ZNF789: variants seen among roughly 807,000 people sequenced by gnomAD.
The protein encoded by ZNF789 is zinc finger protein 789.
Under a neutral mutation model 15.6 loss-of-function variants are expected in ZNF789, and 11 were observed. The observed-to-expected ratio is 0.70, with a 90% CI of 0.44 to 1.16. The LOEUF is 1.16. ZNF789 is among the 50% of genes most tolerant of loss of function. The pLI is 0.00. For missense variants in ZNF789, 461 were observed against 512.6 expected (o/e 0.90, Z 0.97); for synonymous variants, 159 against 176.0 (o/e 0.90, Z 0.76).
At position 99,484,066 on chromosome 7, in the gene ZNF789, T is replaced by C; in HGVS notation, c.188T>C (p.Leu63Pro). ...QFPKPEMICQLENWDEQWILD... is the reference protein window; with the variant it reads ...QFPKPEMICQPENWDEQWILD... ...CCCAAACCTGAGATGATCTGTCAGCTGGAGAACTGGGACGAGCAGTGGATC... is the reference window on the plus strand; with the variant it reads ...CCCAAACCTGAGATGATCTGTCAGCCGGAGAACTGGGACGAGCAGTGGATC... Residue 63 changes from leucine (L) to proline (P), a missense_variant, in exon 4 of 5, where the codon CTG becomes CCG. Leu to Pro is a moderately conservative substitution (Grantham distance 98). Transcript: ENST00000331410. The C allele has an allele frequency of 6.2e-7, 1 of 1,614,108 alleles. No homozygotes were observed. Among genetic ancestry groups the C allele is most frequent in the Middle Eastern group, 1.6e-4 (1 of 6,062 alleles).
intron 3 of ZNF789, among the ~76,000 whole-genome samples, chr7:99,482,528 C>T (rs1799696137): frequency 6.6e-6 from 1 of 152,240 alleles, no homozygotes; most frequent in South Asian, 2.1e-4. Flanking sequence ...CACACACACA[C>T]ATAACATACA....
intron 2 of ZNF789, 48 bp from the exon 3 acceptor site, chr7:99,479,613 G>C (rs73148819): frequency 0.07 from 108,550 of 1,546,172 alleles, 4,278 homozygotes; most frequent in Non-Finnish European, 0.079. Flanking sequence ...ATCATTGAGC[G>C]TAAGTTATTT....
chr7:99,473,872 G>T (rs1029137836), intron 1 of ZNF789, among the ~76,000 whole-genome samples: 1 of 152,042 alleles, frequency 6.6e-6, no homozygotes, highest in African/African-American at 2.4e-5. Flanking sequence ...GCCCGCCTCG[G>T]CCTCCCAAAG....
In ZNF789 at chr7:99,476,470, C is replaced by T. The variant is rs1180566611; in HGVS notation, c.14C>T (p.Ala5Val). 9.3e-6 allele frequency: 15 copies of T among 1,611,950 alleles called. No individual in the cohort carries two copies. The highest frequency in any genetic ancestry group is 1.3e-5 in the Non-Finnish European group (15 of 1,179,302). The change falls in exon 2 of 5, where the codon GCC becomes GTC. Residue 5 changes from alanine to valine, a missense_variant. Ala to Val is a moderately conservative substitution (Grantham distance 64). Coordinates refer to ENST00000331410, the MANE Select transcript of ZNF789 (RefSeq NM_213603.3). ...GCCGTGGAAGCCATGTTCCCACCAG[C>T]CAGGGGGAAGGTGAGCTGTGCCTCC... MFPPARGKELLSFED... is the reference protein window; with the variant it reads MFPPVRGKELLSFED...
At chr7:99,483,892 A>T in intron 3 of ZNF789, 138 bp from the exon 4 acceptor site, 1 of 802,910 alleles carries the variant, frequency 1.2e-6, no homozygotes, top group South Asian at 1.3e-5. Context: ...AGACTGCCAG[A>T]TATTTACAAA....
chr7:99,479,729 T>G lies in ZNF789; in HGVS notation c.93T>G (p.Gly31=). The G allele has an allele frequency of 6.2e-7, 1 of 1,613,950 alleles. No homozygotes were observed. The stretch of plus-strand genomic sequence containing the variant: ...AGGAGTGGGGCCACCTCAACTGGGG[T>G]CAGAAGGACCTCTACCGAGATGTGA... ...TREEWGHLNW[G]QKDLYRDVML... Residue 31 remains glycine, a synonymous_variant, in exon 3 of 5, where the codon GGT becomes GGG. Coordinates refer to ENST00000331410, the MANE Select transcript of ZNF789 (RefSeq NM_213603.3).
rs371552407 is a variant in ZNF789, at chr7:99,487,458, G to C, written c.1248G>C (p.Gln416His). The C allele has an allele frequency of 1.9e-6, 3 of 1,613,834 alleles. No individual in the cohort carries two copies. Among genetic ancestry groups the C allele is most frequent in the Non-Finnish European group, 2.5e-6 (3 of 1,179,896 alleles). ...FKWHTSFIKH[Q>H]GTHKGQIST ...GGCACACAAGCTTTATTAAGCACCAGGGCACTCACAAAGGACAGATATCCA... is the reference window on the plus strand; with the variant it reads ...GGCACACAAGCTTTATTAAGCACCACGGCACTCACAAAGGACAGATATCCA... The change falls in exon 5 of 5, where the codon CAG becomes CAC. Residue 416 changes from glutamine to histidine, a missense_variant. Transcript: ENST00000331410.
At position 99,481,463 on chromosome 7, in the gene ZNF789, C is replaced by CT. The variant is rs899232215; in HGVS notation, c.151+1687dup. 226 of 147,108 alleles carry CT rather than the reference C, an allele frequency of 1.5e-3. 1 individual carries two copies. The highest frequency in any genetic ancestry group is 2.3e-3 in the Non-Finnish European group (154 of 66,328). 9.1% of individuals were successfully genotyped at this position (147,108 alleles called of 1,614,324 possible). On this transcript the variant is annotated intron_variant, in intron 3 of 4. Transcript: ENST00000331410. ...CCAATAGTAACATTTTAGAGTGCTT[C>CT]TTTTTTTTTTTGAGACAGAGTTTCG... is the stretch of plus-strand genomic sequence containing the variant.
At chr7:99,478,725 C>T (rs192059715) in intron 2 of ZNF789, 150 of 281,530 alleles carry the variant, frequency 5.3e-4, no homozygotes, top group Admixed American at 2.2e-3. Flanking sequence ...CCCCTGTGCT[C>T]ACTGTGCTGT....
chr7:99,478,349 G>A (rs774316948), intron 2 of ZNF789: 35 of 1,289,576 alleles, frequency 2.7e-5, no homozygotes, highest in Non-Finnish European at 3.4e-5. Flanking sequence ...GTGACACTCT[G>A]GATAATGGTG....
Position 99,487,088 on chromosome 7 carries a change from CGT to C in ZNF789, c.879_880del (p.Phe294Ter). 6.2e-7 allele frequency: 1 copy of C among 1,614,090 alleles called. No homozygotes were observed. Among genetic ancestry groups the C allele is most frequent in the Non-Finnish European group, 8.5e-7 (1 of 1,180,030 alleles). On this transcript the variant is annotated frameshift_variant, in exon 5 of 5. Transcript: ENST00000331410. LOFTEE classifies it low-confidence loss of function (END_TRUNC). ...TATAAATGTAGCAAATGTGAAAAAA[CGT>C]TTAGTCAGAATTCAACCCTTATTCG...
At chr7:99,484,597 G>A (rs1799818398) in intron 4 of ZNF789, among the ~76,000 whole-genome samples, 1 of 152,128 alleles carries the variant, frequency 6.6e-6, no homozygotes, top group Non-Finnish European at 1.5e-5. Flanking sequence ...TCCAGCCTGG[G>A]TGACAGAGCA....
intron 4 of ZNF789, 90 bp downstream of exon 4, chr7:99,484,233 C>A (rs1799796052): frequency 1.0e-6 from 1 of 1,004,280 alleles, no homozygotes; most frequent in Non-Finnish European, 1.5e-6. Flanking sequence ...AGACGCTGAG[C>A]CAGGTGCTGG....
chr7:99,478,513 C>T, intron 2 of ZNF789: 1 of 501,408 alleles, frequency 2.0e-6, no homozygotes, highest in East Asian at 6.9e-5. Flanking sequence ...TTTCCTGTTA[C>T]TGACCACTTA....
intron 3 of ZNF789, chr7:99,480,976 C>T (rs1011626984): frequency 6.6e-6 from 1 of 152,194 alleles, no homozygotes; most frequent in Non-Finnish European, 1.5e-5. Flanking sequence ...TACATAAGTA[C>T]ATGGAAGGCA....
At chr7:99,485,493 T>C (rs1317425765) in intron 4 of ZNF789, 5 of 511,868 alleles carry the variant, frequency 9.8e-6, no homozygotes, top group Non-Finnish European at 1.7e-5. Context: ...TGCTATCCTA[T>C]ACTTTGTCCA....
Position 99,487,020 on chromosome 7 carries a change from G to A in ZNF789, c.810G>A (p.Ala270=), listed in dbSNP as rs768754181. The change falls in exon 5 of 5, where the codon GCG becomes GCA. Residue 270 remains alanine, a synonymous_variant. Transcript: ENST00000331410. ...HDCGKCFRQL[A]YLVEHKRIHT... ...GTGGAAAGTGTTTTCGGCAGCTCGC[G>A]TATCTTGTTGAACATAAGAGGATTC... is the stretch of plus-strand genomic sequence containing the variant. The A allele has an allele frequency of 4.3e-6, 7 of 1,613,824 alleles. No individual in the cohort carries two copies. The highest frequency in any genetic ancestry group is 2.7e-5 in the African/African-American group (2 of 74,900).
chr7:99,473,075 G>A lies in ZNF789; in HGVS notation c.-55+19G>A, dbSNP rs1364908498. The A allele has an allele frequency of 6.6e-6, 1 of 152,256 alleles. No individual in the cohort carries two copies. 9.4% of individuals were successfully genotyped at this position (152,256 alleles called of 1,614,324 possible). A position where few individuals can be genotyped will look rare whatever the true frequency, so the allele number is the denominator to read the frequency against. On this transcript the variant is annotated intron_variant, in intron 1 of 4. Coordinates refer to ENST00000331410, the MANE Select transcript of ZNF789 (RefSeq NM_213603.3). ...TCAGCAGGTTTGGGGAGAAGGAAAC[G>A]AGTGTTGTGGGGGGCGTGGGTGCGG...
intron 3 of ZNF789, chr7:99,480,946 TTAA>T (rs1161172710): frequency 1.3e-5 from 2 of 152,248 alleles, no homozygotes; most frequent in Non-Finnish European, 2.9e-5. Flanking sequence ...AATTTTCCCT[TTAA>T]AAGCATTACA....
Sources: gnomAD v4.1 joint callset for allele counts (sites outside exome capture counted in the v4.1 genomes callset) on GRCh38, gnomAD v4.1.1 for gene constraint, MANE v1.5 for transcripts, NCBI Gene and HGNC (gene_info 2026-07-23, HGNC 2026-07-21) for gene names.